The following ELP4 variants were observed in gnomAD, a reference collection of about 807,000 sequenced individuals.
The protein encoded by ELP4 is elongator complex protein 4.
A neutral mutation model predicts 48.9 loss-of-function variants in ELP4; 51 were observed. That is an observed-to-expected ratio of 1.04 (90% confidence interval 0.83 to 1.32). ELP4 has a LOEUF of 1.32. Among genes scored for constraint, ELP4 ranks in the 40% most tolerant of loss-of-function variants. The pLI is 0.00. For synonymous variants in ELP4, 210 were observed against 189.2 expected (o/e 1.11, Z -0.90); for missense variants, 519 against 514.6 (o/e 1.01, Z -0.08).
At chr11:31,770,029 A>G (rs1322991706) in intron 9 of ELP4, among the ~76,000 whole-genome samples, 1 of 152,208 alleles carries the variant, frequency 6.6e-6, no homozygotes, top group Admixed American at 6.5e-5. Context: ...CTGTTAAAAT[A>G]GTAGTCTATC....
intron 4 of ELP4, chr11:31,599,522 CAAAA>C (rs72068693): frequency 0.033 from 4,128 of 126,560 alleles, 92 homozygotes; most frequent in East Asian, 0.11. Context: ...CACACACACA[CAAAA>C]AAAAAAAACC....
intron 9 of ELP4, among the ~76,000 whole-genome samples, chr11:31,757,569 A>G (rs1314654373): frequency 1.3e-5 from 2 of 152,162 alleles, no homozygotes; most frequent in Non-Finnish European, 2.9e-5. Context: ...GGAAATGACA[A>G]GGAGCACTGG....
intron 2 of ELP4, among the ~76,000 whole-genome samples, chr11:31,534,266 G>GGGGT (rs1956462264): frequency 6.7e-6 from 1 of 148,234 alleles, no homozygotes; most frequent in African/African-American, 2.5e-5. Flanking sequence ...GAGGTGGATT[G>GGGGT]GTGTGTGTGT....
Position 31,717,621 on chromosome 11 carries a change from G to A in ELP4, c.1144-65772G>A, listed in dbSNP as rs2134181060. ...ATACAAAAATTAGCTGGGTGTGGTGGCACACGCCTGTAGTCTCAGCTACTC... is the reference window on the plus strand; with the variant it reads ...ATACAAAAATTAGCTGGGTGTGGTGACACACGCCTGTAGTCTCAGCTACTC... On this transcript the variant is annotated intron_variant, in intron 9 of 9. Transcript: ENST00000640961. Among the ~76,000 whole-genome samples, 4 of 152,102 alleles carry A rather than the reference G, an allele frequency of 2.6e-5. No homozygotes were observed. In the Middle Eastern group the frequency reaches 0.01, roughly 388 times the overall value.
At chr11:31,727,767 T>G (rs1947105454) in intron 9 of ELP4, 1 of 152,118 alleles carries the variant, frequency 6.6e-6, no homozygotes, top group Non-Finnish European at 1.5e-5. Context: ...AAACTGAGAC[T>G]CAGAAAGGTA....
intron 4 of ELP4, among the ~76,000 whole-genome samples, chr11:31,596,156 G>A (rs1413307758): frequency 6.6e-6 from 1 of 152,120 alleles, no homozygotes; most frequent in Non-Finnish European, 1.5e-5. Context: ...TGTAATCCCA[G>A]CACTTTGGGA....
At chr11:31,582,680 A>T (rs1957410426) in intron 3 of ELP4, among the ~76,000 whole-genome samples, 1 of 152,154 alleles carries the variant, frequency 6.6e-6, no homozygotes, top group Admixed American at 6.5e-5. Flanking sequence ...TGAAAAACTA[A>T]TTGTAAGTGC....
chr11:31,582,400 T>A (rs1286700340), intron 3 of ELP4, among the ~76,000 whole-genome samples: 1 of 152,220 alleles, frequency 6.6e-6, no homozygotes, highest in Non-Finnish European at 1.5e-5. Context: ...CAGTTCTGAT[T>A]ATTTTTTTCG....
intron 3 of ELP4, among the ~76,000 whole-genome samples, chr11:31,591,075 G>C (rs191391964): frequency 1.3e-5 from 2 of 152,140 alleles, no homozygotes; most frequent in East Asian, 3.9e-4. Flanking sequence ...AAATAAAGTA[G>C]TCTCACAACT....
chr11:31,651,065 A>C (rs1945308201), intron 9 of ELP4: 1 of 151,704 alleles, frequency 6.6e-6, no homozygotes, highest in Admixed American at 6.6e-5. Context: ...ATAAATTAGC[A>C]TATTTTTAAC....
chr11:31,610,667 G>A (rs1485062267), intron 5 of ELP4, among the ~76,000 whole-genome samples: 3 of 152,128 alleles, frequency 2.0e-5, no homozygotes, highest in African/African-American at 7.2e-5. Flanking sequence ...TTTGACCAAT[G>A]GAGAGAAACT....
intron 9 of ELP4, among the ~76,000 whole-genome samples, chr11:31,759,185 G>A (rs1208599900): frequency 1.3e-5 from 2 of 152,082 alleles, no homozygotes; most frequent in African/African-American, 2.4e-5. Context: ...CCCACATAAT[G>A]CGTTAATCAT....
chr11:31,765,766 C>T (rs1474555701), intron 9 of ELP4, among the ~76,000 whole-genome samples: 2 of 152,018 alleles, frequency 1.3e-5, no homozygotes, highest in African/African-American at 4.8e-5. Flanking sequence ...TATTTTAGAG[C>T]ATTAGTGATA....
chr11:31,561,218 C>T (rs745912058), intron 3 of ELP4, among the ~76,000 whole-genome samples: 2 of 152,032 alleles, frequency 1.3e-5, no homozygotes, highest in African/African-American at 4.8e-5. Context: ...TATATTAACC[C>T]TCTATAGTTG....
intron 3 of ELP4, among the ~76,000 whole-genome samples, chr11:31,551,950 A>C (rs1435257740): frequency 6.6e-6 from 1 of 152,164 alleles, no homozygotes; most frequent in African/African-American, 2.4e-5. Context: ...AACAAAAATA[A>C]TAATAATCAA....
chr11:31,653,772 C>A (rs945924320), intron 9 of ELP4: 8 of 151,712 alleles, frequency 5.3e-5, no homozygotes, highest in Non-Finnish European at 8.8e-5. Context: ...TTCTTAGTTA[C>A]GTGTAAGATA....
At chr11:31,750,257 A>C (rs1480430532) in intron 9 of ELP4, among the ~76,000 whole-genome samples, 5 of 152,150 alleles carry the variant, frequency 3.3e-5, no homozygotes, top group Admixed American at 6.5e-5. Flanking sequence ...ATATCACCCC[A>C]AGGAAGGGAG....
chr11:31,543,395 C>T (rs973091646), intron 3 of ELP4, among the ~76,000 whole-genome samples: 2 of 152,104 alleles, frequency 1.3e-5, no homozygotes, highest in African/African-American at 4.8e-5. Flanking sequence ...TCTTGGCCCA[C>T]TGCAAGCTCC....
At chr11:31,521,056 G>T (rs1210224983) in intron 2 of ELP4, among the ~76,000 whole-genome samples, 2 of 151,908 alleles carry the variant, frequency 1.3e-5, no homozygotes, top group African/African-American at 4.8e-5. Flanking sequence ...GACCCCTAAG[G>T]TAACAAAAAA....
Sources: allele counts gnomAD v4.1 joint callset (sites outside exome capture counted in the v4.1 genomes callset), GRCh38; gene constraint gnomAD v4.1.1; transcripts MANE v1.5; gene names NCBI Gene and HGNC (gene_info 2026-07-23, HGNC 2026-07-21).